JMJD6: variants seen among roughly 807,000 people sequenced by gnomAD.
The protein encoded by JMJD6 is jumonji domain containing 6, arginine demethylase and lysine hydroxylase.
In JMJD6, 17 loss-of-function variants were observed where a neutral mutation model predicts 45.8. That is an observed-to-expected ratio of 0.37 (90% confidence interval 0.25 to 0.56). The LOEUF (loss-of-function observed/expected upper bound fraction) is 0.56, where lower values mean the gene tolerates loss of function less well. Among genes scored for constraint, JMJD6 ranks in the 20% least tolerant of loss-of-function variants. The pLI is 0.79. For missense variants in JMJD6, 470 were observed against 517.5 expected, an observed-to-expected ratio of 0.91 and a Z score of 0.89; for synonymous variants, 221 against 196.3, an observed-to-expected ratio of 1.13 and a Z score of -1.05.
Position 76,718,804 on chromosome 17 carries a change from C to T in JMJD6, c.1137G>A (p.Thr379=), listed in dbSNP as rs188024492. 1.4e-5 allele frequency: 23 copies of T among 1,614,132 alleles called. No individual in the cohort carries two copies. In the East Asian group the frequency reaches 4.0e-4, roughly 28 times the overall value. ...GTVHRRKKRR[T]CSMVGNGDTT... ...TGTCCCCGTTTCCCACCATGCTGCA[C>T]GTCCTCCTCTTCTTCCTGCGGTGCA... The change falls in exon 6 of 6, where the codon ACG becomes ACA. Residue 379 remains threonine (T), a synonymous_variant. Coordinates refer to ENST00000397625, the MANE Select transcript of JMJD6 (RefSeq NM_015167.3).
chr17:76,714,030 T>C (rs911383033), downstream of JMJD6: 3 of 152,226 alleles, frequency 2.0e-5, no homozygotes, highest in Non-Finnish European at 2.9e-5. Flanking sequence ...CAAACACCTA[T>C]TGAACGCTTG....
In JMJD6 at chr17:76,726,369, G is replaced by A; in HGVS notation, c.107C>T (p.Ser36Leu). ...CACCGCCACGGCCGCCGGGCTCAGC[G>A]AGAAGCTCTCGTAGTAGTTGTGCCG... ...WTRHNYYESF[S>L]LSPAAVADNV... Residue 36 changes from serine to leucine, a missense_variant, in exon 1 of 6, where the codon TCG becomes TTG. Coordinates refer to ENST00000397625, the MANE Select transcript of JMJD6 (RefSeq NM_015167.3). 1.9e-6 allele frequency: 3 copies of A among 1,596,644 alleles called. No individual in the cohort carries two copies. The highest frequency in any genetic ancestry group is 2.2e-5 in the South Asian group (2 of 88,900).
intron 4 of JMJD6, among the ~76,000 whole-genome samples, chr17:76,720,864 G>A (rs959373402): frequency 1.3e-5 from 2 of 152,084 alleles, no homozygotes; most frequent in Admixed American, 6.5e-5. Context: ...CTTCCCAGTT[G>A]ATTTTTAAAA....
At chr17:76,716,814 G>A (rs1249561409), downstream of JMJD6, 2 of 1,349,064 alleles carry the variant, frequency 1.5e-6, no homozygotes, top group East Asian at 2.3e-5. Context: ...GGACCCCCGG[G>A]ACCCCACGTG....
chr17:76,717,939 C>T (rs914043222), downstream of JMJD6, among the ~76,000 whole-genome samples: 2 of 150,846 alleles, frequency 1.3e-5, no homozygotes, highest in East Asian at 2.0e-4. Flanking sequence ...TACAATAAGC[C>T]GAGATCGCAT....
chr17:76,723,976 G>T lies in JMJD6; in HGVS notation c.601C>A (p.Gln201Lys), dbSNP rs780045759. Residue 201 changes from glutamine (Q) to lysine (K), a missense_variant, in exon 3 of 6, where the codon CAG becomes AAG. Around this residue, in one of 4 missense-constraint regions of JMJD6, gnomAD observed 346 missense variants for 339.5 expected, o/e 1.02. Transcript: ENST00000397625. ...AACAGGCACCAGCGCTTGTGGCCCT[G>T]AACTAAGGCATTCCAGGCACTGGTT... Reference protein sequence around the residue: ...LGTSAWNALVQGHKRWCLFPT... With the variant: ...LGTSAWNALVKGHKRWCLFPT... 22 of 1,614,034 alleles carry T rather than the reference G, an allele frequency of 1.4e-5. No individual in the cohort carries two copies. Among genetic ancestry groups the T allele is most frequent in the Middle Eastern group, 1.6e-4 (1 of 6,082 alleles).
exon 7 of JMJD6, chr17:76,713,223 A>C (rs1293337777): frequency 6.6e-6 from 1 of 152,384 alleles, no homozygotes; most frequent in Non-Finnish European, 1.5e-5. Context: ...TGAGTTGACC[A>C]AGTAGCTGGG....
downstream of JMJD6, among the ~76,000 whole-genome samples, chr17:76,717,946 G>A (rs545452123): frequency 2.7e-4 from 40 of 150,866 alleles, no homozygotes; most frequent in African/African-American, 9.3e-4. Context: ...AGCCGAGATC[G>A]CATCACTGCA....
At chr17:76,723,688 G>A (rs2076857761) in intron 3 of JMJD6, 84 bp downstream of exon 3, 5 of 1,293,914 alleles carry the variant, frequency 3.9e-6, no homozygotes, top group South Asian at 1.3e-5. Context: ...TGATCTGCCC[G>A]CCTCAGCCTC....
At chr17:76,715,579 C>G (rs1281817475), downstream of JMJD6, 1 of 152,218 alleles carries the variant, frequency 6.6e-6, no homozygotes, top group Non-Finnish European at 1.5e-5. Context: ...TCTAACACAT[C>G]CACACACAGC....
In JMJD6 at chr17:76,725,570, C is replaced by G. The variant is rs774689975; in HGVS notation, c.415G>C (p.Glu139Gln). 1 of 1,614,106 alleles carries G rather than the reference C, an allele frequency of 6.2e-7. No homozygotes were observed. Among genetic ancestry groups the G allele is most frequent in the Non-Finnish European group, 8.5e-7 (1 of 1,180,014 alleles). ...PLYIFDSSYGEHPKRRKLLED... is the reference protein window; with the variant it reads ...PLYIFDSSYGQHPKRRKLLED... ...AAAAGTTTCCTTCTTTTAGGGTGTT[C>G]ACCATAGCTGCTGTCAAAGATGTAA... The change falls in exon 2 of 6, where the codon GAA becomes CAA. Residue 139 changes from glutamate to glutamine, a missense_variant. By Grantham distance (29) the Glu-to-Gln change is conservative. This residue lies in a region of JMJD6 where 346 missense variants were observed against 339.5 expected (regional missense o/e 1.02). Transcript: ENST00000397625.
downstream of JMJD6, chr17:76,716,587 A>C (rs2076765699): frequency 1.8e-6 from 2 of 1,109,832 alleles, no homozygotes; most frequent in South Asian, 1.3e-5. Context: ...AATTCAAAGA[A>C]GACAGAGGAG....
At chr17:76,715,585 A>G (rs1206854052), downstream of JMJD6, 3 of 152,238 alleles carry the variant, frequency 2.0e-5, no homozygotes, top group Non-Finnish European at 4.4e-5. Context: ...ACATCCACAC[A>G]CAGCCTCCCT....
chr17:76,725,406 CAA>C (rs36106744), intron 2 of JMJD6, 59 bp downstream of exon 2: 14,980 of 933,922 alleles, frequency 0.016, no homozygotes, highest in Middle Eastern at 0.024. Context: ...CGCTCTGTCT[CAA>C]AAAAAAAAAA....
In JMJD6 at chr17:76,723,800, T is replaced by C. The variant is rs1453863468; in HGVS notation, c.777A>G (p.Gln259=). The change falls in exon 3 of 6, where the codon CAA becomes CAG. Residue 259 remains glutamine (Q), a synonymous_variant. Transcript: ENST00000397625. The stretch of plus-strand genomic sequence containing the variant: ...GTACAAAGACAGTCTCTCCTGGTTT[T>C]TGTAAGATTTCCAGGGGTTTGAATT... The part of the protein sequence containing the change: ...PPEFKPLEIL[Q]KPGETVFVPG... The C allele has an allele frequency of 6.2e-7, 1 of 1,614,180 alleles. No homozygotes were observed.
At chr17:76,723,240 C>T (rs367827822) in intron 3 of JMJD6, among the ~76,000 whole-genome samples, 4 of 152,020 alleles carry the variant, frequency 2.6e-5, no homozygotes, top group Non-Finnish European at 5.9e-5. Flanking sequence ...GCCACCGCAC[C>T]GGGCCTGCAT....
rs533617052 is a variant in JMJD6 at position 76,720,477 on chromosome 17, G to A, written c.963C>T (p.Pro321=). 12 of 1,613,902 alleles carry A rather than the reference G, an allele frequency of 7.4e-6. No homozygotes were observed. Among genetic ancestry groups the A allele is most frequent in the South Asian group, 2.2e-5 (2 of 91,082 alleles). ...CCGAGTCTGCGAGGACTGCCAACTC[G>A]GGGTGCTCTTGCTTCAAAATCCTGA... The part of the protein sequence containing the change: ...KWYRILKQEH[P]ELAVLADSVD... Residue 321 remains proline (P), a synonymous_variant, in exon 5 of 6, where the codon CCC becomes CCT. Transcript: ENST00000397625.
intron 1 of JMJD6, 36 bp from the exon 2 acceptor site, chr17:76,725,891 A>C (rs2076914032): frequency 1.3e-6 from 2 of 1,544,964 alleles, no homozygotes; most frequent in African/African-American, 1.4e-5. Context: ...CAGTTAAAAA[A>C]AAAAAAAAAG....
At chr17:76,720,332 A>G in intron 5 of JMJD6, 28 bp downstream of exon 5, 1 of 1,609,324 alleles carries the variant, frequency 6.2e-7, no homozygotes. Flanking sequence ...TGGAGGCTCC[A>G]GGAGTCAGCC....
Sources: allele counts gnomAD v4.1 joint callset (sites outside exome capture counted in the v4.1 genomes callset), GRCh38; gene constraint gnomAD v4.1.1; regional missense constraint gnomAD v4.1.1; transcripts MANE v1.5; gene names NCBI Gene and HGNC (gene_info 2026-07-23, HGNC 2026-07-21).